Variants in STXBP3 observed in about 807,000 individuals in gnomAD.
STXBP3 encodes syntaxin binding protein 3, also known as syntaxin-binding protein 3.
STXBP3 carries 41 observed loss-of-function variants against 85.7 expected under a neutral mutation model. That is an observed-to-expected ratio of 0.48 (90% CI 0.37 to 0.62). The LOEUF (loss-of-function observed/expected upper bound fraction) is 0.62. Among genes scored for constraint, STXBP3 ranks in the 20% least tolerant of loss-of-function variants. The pLI, the probability that STXBP3 is intolerant of heterozygous loss-of-function variation, is 0.00. For missense variants in STXBP3, 563 were observed against 703.1 expected (o/e 0.80, Z 2.25); for synonymous variants, 229 against 231.7 (o/e 0.99, Z 0.10).
At chr1:108,758,264 TTA>T (rs1403991341) in intron 4 of STXBP3, among the ~76,000 whole-genome samples, 1 of 135,034 alleles carries the variant, frequency 7.4e-6, no homozygotes, top group African/African-American at 2.7e-5. Flanking sequence ...ACATATTACC[TTA>T]CTCTTTTTTT....
chr1:108,795,171 AT>A (rs1372285889), intron 13 of STXBP3, among the ~76,000 whole-genome samples: 1 of 152,130 alleles, frequency 6.6e-6, no homozygotes, highest in African/African-American at 2.4e-5. Flanking sequence ...TGGGAGCATG[AT>A]TTCAGGGTGG....
intron 1 of STXBP3, among the ~76,000 whole-genome samples, chr1:108,751,288 G>A (rs1661900057): frequency 6.6e-6 from 1 of 152,070 alleles, no homozygotes; most frequent in Non-Finnish European, 1.5e-5. Flanking sequence ...AGATTCCAAG[G>A]TCTTTAGGGG....
intron 13 of STXBP3, among the ~76,000 whole-genome samples, chr1:108,796,023 G>C (rs1045625506): frequency 6.6e-6 from 1 of 151,978 alleles, no homozygotes; most frequent in Non-Finnish European, 1.5e-5. Flanking sequence ...CTGCCACCAC[G>C]CCCGGCTAAT....
intron 11 of STXBP3, among the ~76,000 whole-genome samples, chr1:108,786,181 T>C (rs2101126430): frequency 6.6e-6 from 1 of 152,354 alleles, no homozygotes; most frequent in East Asian, 1.9e-4. Context: ...TCCATATGGC[T>C]GCAGAGGCCT....
chr1:108,800,229 G>A lies in STXBP3; in HGVS notation c.1459G>A (p.Asp487Asn). The change falls in exon 17 of 19, where the codon GAT becomes AAT. Residue 487 changes from aspartate (D) to asparagine (N), a missense_variant. Asp to Asn is a conservative substitution (Grantham distance 23, BLOSUM62 1). Transcript: ENST00000370008. The stretch of plus-strand genomic sequence containing the variant: ...CTCTTTCCTTCCTTAGGATGCTATT[G>A]ATAATAGATTAGATTCAAAAGAATG... ...FIKDIMEDAI[D>N]NRLDSKEWPY... 1 of 1,607,810 alleles carries A rather than the reference G, an allele frequency of 6.2e-7. No individual in the cohort carries two copies.
intron 6 of STXBP3, among the ~76,000 whole-genome samples, chr1:108,768,268 G>T (rs1193262855): frequency 2.0e-5 from 3 of 152,076 alleles, no homozygotes; most frequent in Admixed American, 6.5e-5. Context: ...GCCAGGTTTT[G>T]TTAGGTTTTG....
chr1:108,760,132 G>C, intron 6 of STXBP3, 47 bp downstream of exon 6: 1 of 1,136,464 alleles, frequency 8.8e-7, no homozygotes, highest in South Asian at 1.5e-5. Flanking sequence ...TTCAAATTTG[G>C]TTTTATGGCT....
intron 6 of STXBP3, among the ~76,000 whole-genome samples, chr1:108,760,818 A>G (rs1662124104): frequency 6.6e-6 from 1 of 152,210 alleles, no homozygotes; most frequent in South Asian, 2.1e-4. Flanking sequence ...GTTTGGAACT[A>G]TGATCAATAT....
chr1:108,765,608 T>C (rs535046295), intron 6 of STXBP3, among the ~76,000 whole-genome samples: 219 of 135,674 alleles, frequency 1.6e-3, no homozygotes, highest in Non-Finnish European at 1.9e-3. Context: ...GGAGTCTCAT[T>C]CCATCATCCA....
At position 108,779,373 on chromosome 1, in the gene STXBP3, G is replaced by A; in HGVS notation, c.772G>A (p.Ala258Thr). The A allele has an allele frequency of 6.2e-7, 1 of 1,612,498 alleles. No individual in the cohort carries two copies. Among genetic ancestry groups the A allele is most frequent in the East Asian group, 2.2e-5 (1 of 44,830 alleles). The change falls in exon 9 of 19, where the codon GCA (alanine) becomes ACA (threonine). Residue 258 changes from alanine to threonine, a missense_variant. By Grantham distance (58) the Ala-to-Thr change is moderately conservative. This residue lies in a region of STXBP3 where 494 missense variants were observed against 592.8 expected (regional missense o/e 0.83). Coordinates refer to ENST00000370008, the MANE Select transcript of STXBP3 (RefSeq NM_007269.4). ...VLHELTFQAM[A>T]YDLLPIENDT... ...GCATGAACTGACCTTTCAGGCAATG[G>A]CATATGATCTACTACCAATTGAGAA...
In STXBP3 at chr1:108,756,780, G is replaced by T; in HGVS notation, c.258+14G>T. On this transcript the variant is annotated intron_variant, in intron 4 of 18. Transcript: ENST00000370008. Reference sequence around the variant, plus strand: ...CCGACATCAAAGGTGAGTATTTTGAGACCTTAAAAAGCAGGTTCATCAATA... The same window carrying T: ...CCGACATCAAAGGTGAGTATTTTGATACCTTAAAAAGCAGGTTCATCAATA... The T allele has an allele frequency of 6.4e-7, 1 of 1,567,686 alleles. No homozygotes were observed. The highest frequency in any genetic ancestry group is 8.7e-7 in the Non-Finnish European group (1 of 1,153,896).
chr1:108,747,868 A>G (rs1483133020), intron 1 of STXBP3, among the ~76,000 whole-genome samples: 2 of 152,242 alleles, frequency 1.3e-5, no homozygotes, highest in African/African-American at 4.8e-5. Context: ...TGCTTTTTCA[A>G]GATTTACATG....
At chr1:108,773,184 A>G (rs1045085593) in intron 7 of STXBP3, among the ~76,000 whole-genome samples, 1 of 152,200 alleles carries the variant, frequency 6.6e-6, no homozygotes, top group Non-Finnish European at 1.5e-5. Flanking sequence ...TACAATGTCA[A>G]AGTATCTATA....
intron 6 of STXBP3, among the ~76,000 whole-genome samples, chr1:108,762,118 C>A (rs528012893): frequency 6.8e-4 from 104 of 152,282 alleles, no homozygotes; most frequent in South Asian, 1.5e-3. Context: ...GCCTACTGAG[C>A]ATTTATCAAG....
At chr1:108,750,246 A>G (rs1214618187) in intron 1 of STXBP3, among the ~76,000 whole-genome samples, 1 of 152,172 alleles carries the variant, frequency 6.6e-6, no homozygotes, top group Non-Finnish European at 1.5e-5. Flanking sequence ...GAATGAAGCT[A>G]GCTTTGAAAG....
chr1:108,802,126 G>C (rs1663244598), intron 17 of STXBP3, among the ~76,000 whole-genome samples: 1 of 152,088 alleles, frequency 6.6e-6, no homozygotes, highest in Non-Finnish European at 1.5e-5. Context: ...GCCGGGTGCG[G>C]TGGCTCATGC....
intron 11 of STXBP3, among the ~76,000 whole-genome samples, chr1:108,784,490 T>G (rs1260266255): frequency 1.3e-5 from 2 of 152,198 alleles, no homozygotes; most frequent in Admixed American, 6.5e-5. Flanking sequence ...ATGATTCAGT[T>G]ATCTCTACCT....
intron 9 of STXBP3, chr1:108,781,512 C>T (rs896611245): frequency 6.6e-6 from 1 of 152,128 alleles, no homozygotes; most frequent in African/African-American, 2.4e-5. Flanking sequence ...TTGCTCACTT[C>T]AGCAGAACTC....
At chr1:108,775,363 A>G (rs570703376) in intron 7 of STXBP3, among the ~76,000 whole-genome samples, 19 of 152,260 alleles carry the variant, frequency 1.2e-4, no homozygotes, top group African/African-American at 4.6e-4. Context: ...TACAATGCAT[A>G]ATAGTCACAT....
Sources: gnomAD v4.1 joint callset for allele counts (sites outside exome capture counted in the v4.1 genomes callset) on GRCh38, gnomAD v4.1.1 for gene constraint, gnomAD v4.1.1 regional missense constraint, MANE v1.5 for transcripts, NCBI Gene and HGNC (gene_info 2026-07-23, HGNC 2026-07-21) for gene names.